WDR35: variants seen among roughly 807,000 people sequenced by gnomAD.
WDR35 encodes WD repeat domain 35.
In WDR35, 118 loss-of-function variants were observed where a neutral mutation model predicts 158.3. The ratio of observed to expected loss-of-function variants is 0.75; its 90% confidence interval spans 0.64 to 0.87. WDR35 has a LOEUF of 0.87. WDR35 is among the 40% of genes least tolerant of loss of function. The probability of loss-of-function intolerance (pLI) is 0.00; values close to 1 mark genes in which losing one functional copy is unlikely to be tolerated. For missense variants in WDR35, 1,263 were observed against 1,405.8 expected, an observed-to-expected ratio of 0.90 and a Z score of 1.62; for synonymous variants, 448 against 476.1, an observed-to-expected ratio of 0.94 and a Z score of 0.77.
Position 19,945,823 on chromosome 2 carries a change from T to C in WDR35, c.1808A>G (p.Lys603Arg), listed in dbSNP as rs758818871. Residue 603 changes from lysine (K) to arginine (R), a missense_variant, in exon 16 of 27, where the codon AAG becomes AGG. Physicochemically the swap from Lys to Arg is conservative, Grantham distance 26. Coordinates refer to ENST00000281405, the MANE Select transcript of WDR35 (RefSeq NM_020779.4). Reference protein sequence around the residue: ...DNPDLFAMMEKTRMYVFRNLD... With the variant: ...DNPDLFAMMERTRMYVFRNLD... ...GTTTCTGAAAACATACATTCTTGTC[T>C]TCTCCATCATTGCAAACAAATCAGG... is the stretch of plus-strand genomic sequence containing the variant. 1.2e-6 allele frequency: 2 copies of C among 1,613,972 alleles called. No homozygotes were observed. Among genetic ancestry groups the C allele is most frequent in the Non-Finnish European group, 1.7e-6 (2 of 1,179,844 alleles).
At chr2:19,963,443 A>G (rs377587906) in intron 10 of WDR35, among the ~76,000 whole-genome samples, 2 of 152,230 alleles carry the variant, frequency 1.3e-5, no homozygotes, top group South Asian at 2.1e-4. Context: ...TGAATTATGT[A>G]TATCTTGCTG....
chr2:19,916,211 T>C (rs1215381309), intron 25 of WDR35, among the ~76,000 whole-genome samples: 2 of 152,222 alleles, frequency 1.3e-5, no homozygotes, highest in Non-Finnish European at 2.9e-5. Flanking sequence ...CCGGCCCAGA[T>C]ACTGCACTTT....
rs1232693425 is a variant in WDR35 at position 19,975,630 on chromosome 2, A to G, written c.470T>C (p.Ile157Thr). Residue 157 changes from isoleucine (I) to threonine (T), a missense_variant, in exon 6 of 27, where the codon ATA becomes ACA. By Grantham distance (89) the Ile-to-Thr change is moderately conservative (BLOSUM62 -1). Coordinates refer to ENST00000281405, the MANE Select transcript of WDR35 (RefSeq NM_020779.4). ...AGACCATGTTACATGGGATAGCTGT[A>G]TACCCTTCAGGTCTTTTCCCCAAAT... ...NRIWGKDLKGIQLSHVTWSAD... is the reference protein window; with the variant it reads ...NRIWGKDLKGTQLSHVTWSAD... 6.2e-7 allele frequency: 1 copy of G among 1,613,982 alleles called. No homozygotes were observed. Among genetic ancestry groups the G allele is most frequent in the Non-Finnish European group, 8.5e-7 (1 of 1,179,964 alleles).
At position 19,913,531 on chromosome 2, in the gene WDR35, TAC is replaced by T. The variant is rs1199940529; in HGVS notation, c.*25_*26del. The T allele has an allele frequency of 1.9e-6, 3 of 1,613,548 alleles. No individual in the cohort carries two copies. The highest frequency in any genetic ancestry group is 2.5e-6 in the Non-Finnish European group (3 of 1,179,472). Reference sequence around the variant, plus strand: ...CCATGTATATATGCTACATATATTTTACAGTTATATACAGTTTATCATTCCTT... The same window carrying T: ...CCATGTATATATGCTACATATATTTTAGTTATATACAGTTTATCATTCCTT... On this transcript the variant is annotated 3_prime_UTR_variant, in exon 27 of 27. Transcript: ENST00000281405.
chr2:19,914,299 G>C (rs1316667925), intron 25 of WDR35, 22 bp from the exon 26 acceptor site: 3 of 1,613,500 alleles, frequency 1.9e-6, no homozygotes, highest in Non-Finnish European at 2.5e-6. Flanking sequence ...AGGGCAATTG[G>C]GGTTTTTTAA....
In WDR35 at chr2:19,946,586, T is replaced by C; in HGVS notation, c.1525-16A>G. 5.0e-6 allele frequency: 8 copies of C among 1,602,100 alleles called. No individual in the cohort carries two copies. The highest frequency in any genetic ancestry group is 6.8e-6 in the Non-Finnish European group (8 of 1,169,346). ...ATTCACGACCCTATGGAAATTACTT[T>C]TGATTACTTAAGCATACGTGTATCA... On this transcript the variant is annotated splice_polypyrimidine_tract_variant and intron_variant, in intron 14 of 26. Transcript: ENST00000281405.
At chr2:19,965,810 C>A (rs948951469) in intron 10 of WDR35, among the ~76,000 whole-genome samples, 1 of 152,184 alleles carries the variant, frequency 6.6e-6, no homozygotes, top group African/African-American at 2.4e-5. Flanking sequence ...TCTGCATAAT[C>A]TCTGGTACTT....
In WDR35 at chr2:19,982,480, G is replaced by A. The variant is rs143397737; in HGVS notation, c.197C>T (p.Thr66Ile). Reference protein sequence around the residue: ...AAPSNLSMNQTLEGHSGSVQV... With the variant: ...AAPSNLSMNQILEGHSGSVQV... ...TGACTCACCACTATGACCTTCAAGA[G>A]TCTGATTCATAGAAAGGTTACTGGG... is the stretch of plus-strand genomic sequence containing the variant. The change falls in exon 3 of 27, where the codon ACT (threonine) becomes ATT (isoleucine). Residue 66 changes from threonine (T) to isoleucine (I), a missense_variant. Coordinates refer to ENST00000281405, the MANE Select transcript of WDR35 (RefSeq NM_020779.4). 2.9e-5 allele frequency: 46 copies of A among 1,613,716 alleles called. No homozygotes were observed. Among genetic ancestry groups the A allele is most frequent in the Admixed American group, 1.7e-4 (10 of 59,984 alleles).
chr2:19,930,606 C>G, intron 24 of WDR35, 54 bp from the exon 25 acceptor site: 1 of 1,610,394 alleles, frequency 6.2e-7, no homozygotes, highest in South Asian at 1.1e-5. Context: ...CACACAGTGT[C>G]AACTCCCAAA....
intron 5 of WDR35, among the ~76,000 whole-genome samples, chr2:19,976,821 ATTT>A (rs34387618): frequency 3.5e-5 from 5 of 143,224 alleles, no homozygotes; most frequent in African/African-American, 1.3e-4. Context: ...AATGTTGCTG[ATTT>A]TTTTTTTTTT....
chr2:19,925,282 T>C (rs1414320892), intron 25 of WDR35, among the ~76,000 whole-genome samples: 1 of 152,260 alleles, frequency 6.6e-6, no homozygotes, highest in Non-Finnish European at 1.5e-5. Context: ...CAAATTGTTA[T>C]ATCTACTTCT....
chr2:19,923,590 T>A (rs1429861734), intron 25 of WDR35, among the ~76,000 whole-genome samples: 1 of 152,202 alleles, frequency 6.6e-6, no homozygotes, highest in Non-Finnish European at 1.5e-5. Context: ...CTCATTATTA[T>A]TTTGAAGAAA....
chr2:19,955,699 G>A (rs759357863), intron 11 of WDR35, among the ~76,000 whole-genome samples: 11 of 152,042 alleles, frequency 7.2e-5, no homozygotes, highest in South Asian at 4.2e-4. Context: ...TAATATGGCC[G>A]GAATAAAGAC....
chr2:19,964,472 G>A (rs537293123), intron 10 of WDR35, among the ~76,000 whole-genome samples: 40 of 145,916 alleles, frequency 2.7e-4, no homozygotes, highest in African/African-American at 3.8e-4. Context: ...CAACCTCCGC[G>A]TCCTGGGTTC....
At chr2:19,930,316 A>C in intron 25 of WDR35, 80 bp downstream of exon 25, 2 of 1,599,464 alleles carry the variant, frequency 1.3e-6, no homozygotes, top group Non-Finnish European at 1.7e-6. Flanking sequence ...AGGCCACATA[A>C]AGGCAAATTG....
At chr2:19,941,653 A>G in intron 17 of WDR35, 106 bp downstream of exon 17, 2 of 796,106 alleles carry the variant, frequency 2.5e-6, no homozygotes, top group Non-Finnish European at 4.1e-6. Flanking sequence ...GGCCTGAGAT[A>G]TATCTGACTC....
At chr2:19,975,816 T>A (rs185550725) in intron 5 of WDR35, among the ~76,000 whole-genome samples, 153 bp from the exon 6 acceptor site, 1 of 152,362 alleles carries the variant, frequency 6.6e-6, no homozygotes, top group African/African-American at 2.4e-5. Context: ...TGAGCACCTA[T>A]ATGTGCCTGA....
rs387907085 is a variant in WDR35, at chr2:19,946,495, G to A, written c.1600C>T (p.Arg534Ter). The A allele has an allele frequency of 3.7e-6, 6 of 1,613,468 alleles. No individual in the cohort carries two copies. The East Asian group carries it at 6.7e-5, about 18-fold the overall frequency. The change falls in exon 15 of 27, where the codon CGA becomes TGA. Residue 534 changes from arginine (R) to a stop codon, truncating the protein, a stop_gained. Transcript: ENST00000281405. LOFTEE classifies it high-confidence loss of function. Reference sequence around the variant, plus strand: ...CAATTCAAGGATAACTGGTAGGCTCGACAATTAAGGGAATATTTTTGAATC... The same window carrying A: ...CAATTCAAGGATAACTGGTAGGCTCAACAATTAAGGGAATATTTTTGAATC... ...GLIQKYSLNC[R>*]AYQLSLNCNS...
intron 23 of WDR35, among the ~76,000 whole-genome samples, chr2:19,931,999 G>A (rs1450472532): frequency 6.6e-6 from 1 of 152,010 alleles, no homozygotes; most frequent in African/African-American, 2.4e-5. Context: ...TTAATTCCCT[G>A]TTGTAGAAAT....
Sources: allele counts gnomAD v4.1 joint callset (sites outside exome capture counted in the v4.1 genomes callset), GRCh38; gene constraint gnomAD v4.1.1; transcripts MANE v1.5; gene names NCBI Gene and HGNC (gene_info 2026-07-23, HGNC 2026-07-21).